Variants in RAD51C observed in about 807,000 individuals in gnomAD.
The protein encoded by RAD51C is RAD51 paralog C, also known as DNA repair protein RAD51 homolog 3.
RAD51C carries 42 observed loss-of-function variants against 45.0 expected under a neutral mutation model. That is an observed-to-expected ratio of 0.93 (90% CI 0.73 to 1.21). The LOEUF (loss-of-function observed/expected upper bound fraction) is 1.21, where lower values mean the gene tolerates loss of function less well. RAD51C is among the 50% of genes most tolerant of loss of function. The pLI is 0.00. For missense variants in RAD51C, 474 were observed against 452.2 expected, an observed-to-expected ratio of 1.05 and a Z score of -0.44; for synonymous variants, 172 against 159.8, an observed-to-expected ratio of 1.08 and a Z score of -0.58.
rs1350773375 is a variant in RAD51C at position 58,706,597 on chromosome 17, C to T, written c.706-3262C>T. The T allele has an allele frequency of 7.0e-6, 3 of 427,478 alleles. No homozygotes were observed. In the East Asian group the frequency reaches 2.2e-4, roughly 32 times the overall value. The allele number at this position is 427,478 out of a possible 1,614,324, so 26.5% of individuals were successfully genotyped here. The stretch of plus-strand genomic sequence containing the variant: ...AACCAAGGACGACATAGCATTGCCC[C>T]CTGGGCTTATGGTAAGAGTGACAGC... On this transcript the variant is annotated intron_variant, in intron 4 of 8. Coordinates refer to ENST00000337432, the MANE Select transcript of RAD51C (RefSeq NM_058216.3).
At chr17:58,729,316 C>G (rs1386743514) in intron 7 of RAD51C, among the ~76,000 whole-genome samples, 1 of 151,974 alleles carries the variant, frequency 6.6e-6, no homozygotes, top group African/African-American at 2.4e-5. Context: ...CTCCCGGGTT[C>G]AATCGATTCT....
intron 8 of RAD51C, 79 bp from the exon 9 acceptor site, chr17:58,734,039 T>C: frequency 6.5e-7 from 1 of 1,539,274 alleles, no homozygotes; most frequent in Admixed American, 2.0e-5. Flanking sequence ...GCTTTCTTAT[T>C]AGTTACTTAA....
chr17:58,696,821 A>C lies in RAD51C; in HGVS notation c.533A>C (p.Gln178Pro), dbSNP rs1598460753. ...GTAGACCTTGCTACTGCCTGCATTC[A>C]GCACCTTCAGCTTATAGCAGAAAAA... Reference protein sequence around the residue: ...RVVDLATACIQHLQLIAEKHK... With the variant: ...RVVDLATACIPHLQLIAEKHK... Residue 178 changes from glutamine (Q) to proline (P), a missense_variant, in exon 3 of 9, where the codon CAG (glutamine) becomes CCG (proline). Transcript: ENST00000337432. 1.9e-6 allele frequency: 3 copies of C among 1,614,214 alleles called. No individual in the cohort carries two copies. Among genetic ancestry groups the C allele is most frequent in the Non-Finnish European group, 2.5e-6 (3 of 1,180,034 alleles).
chr17:58,695,065 G>A lies in RAD51C; in HGVS notation c.280G>A (p.Glu94Lys), dbSNP rs1277411638. ...KCTALELLEQ[E>K]HTQGFIITFC... ...TACAGCACTGGAACTTCTTGAGCAGGAGCATACCCAGGGCTTCATAATCAC... is the reference window on the plus strand; with the variant it reads ...TACAGCACTGGAACTTCTTGAGCAGAAGCATACCCAGGGCTTCATAATCAC... Residue 94 changes from glutamate to lysine, a missense_variant, in exon 2 of 9, where the codon GAG becomes AAG. Coordinates refer to ENST00000337432, the MANE Select transcript of RAD51C (RefSeq NM_058216.3). 6.2e-7 allele frequency: 1 copy of A among 1,614,062 alleles called. No homozygotes were observed. Among genetic ancestry groups the A allele is most frequent in the Non-Finnish European group, 8.5e-7 (1 of 1,180,004 alleles).
intron 7 of RAD51C, among the ~76,000 whole-genome samples, chr17:58,730,977 C>T (rs771100236): frequency 4.6e-5 from 7 of 152,110 alleles, no homozygotes; most frequent in Non-Finnish European, 1.0e-4. Context: ...CACCATTCTA[C>T]CTTCTGTCTC....
At chr17:58,730,958 C>G (rs2049396042) in intron 7 of RAD51C, among the ~76,000 whole-genome samples, 1 of 152,106 alleles carries the variant, frequency 6.6e-6, no homozygotes, top group Admixed American at 6.6e-5. Context: ...ACCCCCAGCC[C>G]CTGACAATCA....
intron 8 of RAD51C, chr17:58,732,896 A>G: frequency 4.2e-6 from 1 of 237,044 alleles, no homozygotes; most frequent in Non-Finnish European, 8.4e-6. Flanking sequence ...TTATAGATCT[A>G]TTGTAGCACC....
At chr17:58,707,576 TG>T (rs2048417800) in intron 4 of RAD51C, among the ~76,000 whole-genome samples, 1 of 151,840 alleles carries the variant, frequency 6.6e-6, no homozygotes, top group Admixed American at 6.6e-5. Flanking sequence ...TTTCAGTATG[TG>T]CCTCAAAACT....
chr17:58,731,494 G>A (rs1323674243), intron 7 of RAD51C, among the ~76,000 whole-genome samples: 1 of 152,044 alleles, frequency 6.6e-6, no homozygotes, highest in African/African-American at 2.4e-5. Flanking sequence ...CCCGACCTCA[G>A]GTGATCTGCC....
At chr17:58,720,572 A>C (rs1039869354) in intron 5 of RAD51C, among the ~76,000 whole-genome samples, 174 bp from the exon 6 acceptor site, 2 of 152,110 alleles carry the variant, frequency 1.3e-5, no homozygotes, top group African/African-American at 4.8e-5. Flanking sequence ...CCCCAGGTTC[A>C]AATGATTCTC....
intron 3 of RAD51C, among the ~76,000 whole-genome samples, chr17:58,697,575 G>A (rs534950658): frequency 3.6e-4 from 53 of 147,786 alleles, no homozygotes; most frequent in Admixed American, 1.2e-3. Context: ...AAAAAACCAC[G>A]TCTGAAATGT....
At chr17:58,707,577 G>A (rs2048417718) in intron 4 of RAD51C, among the ~76,000 whole-genome samples, 1 of 150,860 alleles carries the variant, frequency 6.6e-6, no homozygotes, top group African/African-American at 2.4e-5. Context: ...TTCAGTATGT[G>A]CCTCAAAACT....
chr17:58,733,071 A>G (rs575855162), intron 8 of RAD51C, among the ~76,000 whole-genome samples: 2 of 152,154 alleles, frequency 1.3e-5, no homozygotes, highest in African/African-American at 2.4e-5. Flanking sequence ...GCTGGAGTGC[A>G]GCGGTGCAAT....
chr17:58,693,055 C>G (rs975077841), intron 1 of RAD51C: 8 of 489,126 alleles, frequency 1.6e-5, no homozygotes, highest in Non-Finnish European at 2.6e-5. Flanking sequence ...TAACCCTCAA[C>G]CCGCTTACGT....
chr17:58,699,579 G>A (rs2048141291), intron 3 of RAD51C, among the ~76,000 whole-genome samples: 1 of 152,078 alleles, frequency 6.6e-6, no homozygotes, highest in Non-Finnish European at 1.5e-5. Context: ...ATTTTGAGCT[G>A]AAGGCAATTG....
intron 1 of RAD51C, 89 bp from the exon 2 acceptor site, chr17:58,694,842 T>G (rs2047934954): frequency 8.2e-7 from 1 of 1,219,750 alleles, no homozygotes; most frequent in African/African-American, 1.5e-5. Context: ...GCATCACTGT[T>G]GTCTACAAAT....
chr17:58,720,423 A>T (rs1381649247), intron 5 of RAD51C, among the ~76,000 whole-genome samples: 4 of 147,194 alleles, frequency 2.7e-5, no homozygotes, highest in South Asian at 2.1e-4. Flanking sequence ...CTCAAAAAAA[A>T]AAATAAAATA....
intron 5 of RAD51C, 63 bp downstream of exon 5, chr17:58,710,053 C>T: frequency 6.6e-7 from 1 of 1,521,680 alleles, no homozygotes; most frequent in African/African-American, 1.4e-5. Context: ...ATGTTAATGT[C>T]TAGAAATGTC....
At position 58,695,206 on chromosome 17, in the gene RAD51C, T is replaced by C. The variant is rs1354891044; in HGVS notation, c.404+17T>C. On this transcript the variant is annotated intron_variant, in intron 2 of 8. Transcript: ENST00000337432. ...ACAATTATGGTAAAATAAAGTGTTC[T>C]CCTTTTAAGGGTGGGTTTAATAACA... is the stretch of plus-strand genomic sequence containing the variant. 2 of 1,604,834 alleles carry C rather than the reference T, an allele frequency of 1.2e-6. No individual in the cohort carries two copies. The highest frequency in any genetic ancestry group is 1.7e-6 in the Non-Finnish European group (2 of 1,175,486).
Sources: gnomAD v4.1 joint callset for allele counts (sites outside exome capture counted in the v4.1 genomes callset) on GRCh38, gnomAD v4.1.1 for gene constraint, MANE v1.5 for transcripts, NCBI Gene and HGNC (gene_info 2026-07-23, HGNC 2026-07-21) for gene names.